The following SLCO3A1 variants were observed in gnomAD, a reference collection of about 807,000 sequenced individuals.
SLCO3A1 encodes the protein solute carrier organic anion transporter family member 3A1, also known as PGE1 transporter.
SLCO3A1 carries 27 observed loss-of-function variants against 63.1 expected under a neutral mutation model. The observed-to-expected ratio is 0.43, with a 90% confidence interval of 0.32 to 0.59. The LOEUF (loss-of-function observed/expected upper bound fraction) is 0.59, where lower values mean the gene tolerates loss of function less well. Among genes scored for constraint, SLCO3A1 ranks in the 20% least tolerant of loss-of-function variants. The probability of loss-of-function intolerance (pLI) is 0.09; values close to 1 mark genes in which losing one functional copy is unlikely to be tolerated. For synonymous variants in SLCO3A1, 473 were observed against 409.9 expected (o/e 1.15, Z -1.86); for missense variants, 773 against 945.8 (o/e 0.82, Z 2.40).
intron 2 of SLCO3A1, among the ~76,000 whole-genome samples, chr15:92,017,617 G>C (rs2046453831): frequency 1.3e-5 from 2 of 152,198 alleles, no homozygotes; most frequent in South Asian, 4.1e-4. Flanking sequence ...TGTTCAATGA[G>C]AGGGTGATGG....
chr15:91,915,197 G>A (rs894704999), intron 1 of SLCO3A1, among the ~76,000 whole-genome samples: 1 of 152,100 alleles, frequency 6.6e-6, no homozygotes, highest in Non-Finnish European at 1.5e-5. Context: ...CTTGCTAGAT[G>A]GCTTCTTCAG....
chr15:92,127,352 A>G (rs1011187975), intron 6 of SLCO3A1, among the ~76,000 whole-genome samples: 2 of 115,264 alleles, frequency 1.7e-5, no homozygotes, highest in African/African-American at 2.9e-5. Context: ...GAAAAAGAAA[A>G]GAAAAGTGTA....
intron 2 of SLCO3A1, among the ~76,000 whole-genome samples, chr15:92,026,105 C>T (rs1050952450): frequency 2.0e-5 from 3 of 152,118 alleles, no homozygotes; most frequent in Admixed American, 1.3e-4. Flanking sequence ...TGTCCAAGCC[C>T]GTGTCCATGC....
chr15:92,141,751 A>C (rs1439682959), intron 7 of SLCO3A1, among the ~76,000 whole-genome samples: 1 of 152,192 alleles, frequency 6.6e-6, no homozygotes, highest in African/African-American at 2.4e-5. Flanking sequence ...CGGACATCTG[A>C]GTGGAAGATC....
At chr15:91,979,496 C>A (rs567398166) in intron 2 of SLCO3A1, among the ~76,000 whole-genome samples, 1 of 152,232 alleles carries the variant, frequency 6.6e-6, no homozygotes, top group South Asian at 2.1e-4. Context: ...ATAACCTTAG[C>A]GTGTTGTCTG....
chr15:92,075,242 T>A (rs1008695551), intron 2 of SLCO3A1, among the ~76,000 whole-genome samples: 1 of 152,234 alleles, frequency 6.6e-6, no homozygotes, highest in Non-Finnish European at 1.5e-5. Flanking sequence ...CCAGCCTTGC[T>A]GCCTGCTCAT....
chr15:91,949,440 G>C (rs1899921988), intron 2 of SLCO3A1, among the ~76,000 whole-genome samples: 1 of 151,096 alleles, frequency 6.6e-6, no homozygotes, highest in African/African-American at 2.4e-5. Flanking sequence ...GACCAGCCTG[G>C]TCAACATGGC....
At chr15:91,861,462 G>A (rs1357317369) in intron 1 of SLCO3A1, among the ~76,000 whole-genome samples, 1 of 152,026 alleles carries the variant, frequency 6.6e-6, no homozygotes, top group Non-Finnish European at 1.5e-5. Flanking sequence ...TAGAAACGGT[G>A]TTAACAGCCT....
chr15:92,164,390 AATGTGAT>A lies in SLCO3A1; in HGVS notation c.*1256_*1262del. The A allele has an allele frequency of 1.0e-6, 1 of 985,418 alleles. No homozygotes were observed. Among genetic ancestry groups the A allele is most frequent in the Non-Finnish European group, 1.2e-6 (1 of 829,888 alleles). 61.0% of individuals were successfully genotyped at this position (985,418 alleles called of 1,614,324 possible). The stretch of plus-strand genomic sequence containing the variant: ...AATCACATTTGAGACAACAGGGGAT[AATGTGAT>A]GAATTGCAAATTTGCCTTTTAGCTT... On this transcript the variant is annotated 3_prime_UTR_variant, in exon 10 of 10. Coordinates refer to ENST00000318445, the MANE Select transcript of SLCO3A1 (RefSeq NM_013272.4).
chr15:91,974,359 C>G (rs1485049330), intron 2 of SLCO3A1, among the ~76,000 whole-genome samples: 1 of 151,774 alleles, frequency 6.6e-6, no homozygotes, highest in Non-Finnish European at 1.5e-5. Context: ...TTTTCAGAGA[C>G]AGACTCATGA....
chr15:92,000,395 T>C lies in SLCO3A1; in HGVS notation c.646+83937T>C, dbSNP rs868066770. Among the ~76,000 whole-genome samples the C allele has an allele frequency of 5.6e-3, 760 of 135,218 alleles. 13 individuals carry two copies. The highest frequency in any genetic ancestry group is 0.018 in the African/African-American group (702 of 38,480). The allele number at this position is 135,218 out of a possible 152,430, so 88.7% of individuals were successfully genotyped here. A position where few individuals can be genotyped will look rare whatever the true frequency, so the allele number is the denominator to read the frequency against. ...CTTTAACTCTGTAATGTTTTTTTCC[T>C]TTTTTTTTAAAAAAAAAAAAAGAAT... On this transcript the variant is annotated intron_variant, in intron 2 of 9. Transcript: ENST00000318445.
At chr15:92,128,540 G>A in intron 7 of SLCO3A1, 51 bp downstream of exon 7, 1 of 1,526,796 alleles carries the variant, frequency 6.5e-7, no homozygotes, top group Non-Finnish European at 8.8e-7. Flanking sequence ...AGCTAAAGTG[G>A]CTTAAAACCC....
chr15:91,933,515 C>T (rs1168424165), intron 2 of SLCO3A1, among the ~76,000 whole-genome samples: 1 of 151,996 alleles, frequency 6.6e-6, no homozygotes, highest in African/African-American at 2.4e-5. Flanking sequence ...TCTACTTTTT[C>T]ACCTAAAAAG....
At chr15:92,086,173 A>G (rs1468173967) in intron 2 of SLCO3A1, among the ~76,000 whole-genome samples, 2 of 152,174 alleles carry the variant, frequency 1.3e-5, no homozygotes, top group Admixed American at 1.3e-4. Context: ...ATTGTGCATC[A>G]TTGGATTAGT....
intron 2 of SLCO3A1, among the ~76,000 whole-genome samples, chr15:92,015,439 A>G (rs2046415067): frequency 6.6e-6 from 1 of 152,046 alleles, no homozygotes; most frequent in Admixed American, 6.5e-5. Context: ...GCCACTTCTA[A>G]ACTATGAGAT....
intron 2 of SLCO3A1, among the ~76,000 whole-genome samples, chr15:91,975,123 C>T (rs537185021): frequency 6.6e-6 from 1 of 152,294 alleles, no homozygotes; most frequent in African/African-American, 2.4e-5. Context: ...ATAGTAAATT[C>T]TCAGAGTTAA....
In SLCO3A1 at chr15:91,872,447, A is replaced by T. The variant is rs1367589930; in HGVS notation, c.180+18359A>T. On this transcript the variant is annotated intron_variant, in intron 1 of 9. Coordinates refer to ENST00000318445, the MANE Select transcript of SLCO3A1 (RefSeq NM_013272.4). This position sits in a 1 kb window ranked among gnomAD's most constrained non-coding sequence, Gnocchi z 4.1. ...CTCGGCGGGCTGAGGTAGGAGAATCACTTGAACCCGGGAGGCGGATAGGTT... is the reference window on the plus strand; with the variant it reads ...CTCGGCGGGCTGAGGTAGGAGAATCTCTTGAACCCGGGAGGCGGATAGGTT... Among the ~76,000 whole-genome samples, 1 of 151,800 alleles carries T rather than the reference A, an allele frequency of 6.6e-6. No individual in the cohort carries two copies. The highest frequency in any genetic ancestry group is 1.5e-5 in the Non-Finnish European group (1 of 67,954).
At chr15:92,095,276 A>G (rs2047524629) in intron 3 of SLCO3A1, among the ~76,000 whole-genome samples, 1 of 152,388 alleles carries the variant, frequency 6.6e-6, no homozygotes, top group African/African-American at 2.4e-5. Context: ...CAATAATTAC[A>G]TCGGCCTGGC....
chr15:92,171,486 T>A (rs1033779686), intron 10 of SLCO3A1: 2 of 310,266 alleles, frequency 6.4e-6, no homozygotes, highest in Admixed American at 4.6e-5. Flanking sequence ...GGATAAATTA[T>A]TGACTGGGAT....
Sources: allele counts gnomAD v4.1 joint callset (sites outside exome capture counted in the v4.1 genomes callset), GRCh38; gene constraint gnomAD v4.1.1; non-coding constraint Gnocchi (gnomAD v3.1); transcripts MANE v1.5; gene names NCBI Gene and HGNC (gene_info 2026-07-23, HGNC 2026-07-21).